HACD4: variants seen among roughly 807,000 people sequenced by gnomAD.
HACD4 encodes the protein very-long-chain (3R)-3-hydroxyacyl-CoA dehydratase 4.
HACD4 carries 35 observed loss-of-function variants against 33.3 expected under a neutral mutation model. That is an observed-to-expected ratio of 1.05 (90% CI 0.80 to 1.39). HACD4 has a LOEUF of 1.39. HACD4 is among the 40% of genes most tolerant of loss of function. The pLI is 0.00. For missense variants in HACD4, 323 were observed against 276.5 expected, an observed-to-expected ratio of 1.17 and a Z score of -1.19; for synonymous variants, 118 against 98.0, an observed-to-expected ratio of 1.20 and a Z score of -1.21.
At chr9:21,008,842 AG>A (rs920129266) in intron 5 of HACD4, among the ~76,000 whole-genome samples, 10 of 152,108 alleles carry the variant, frequency 6.6e-5, no homozygotes, top group African/African-American at 2.4e-4. Flanking sequence ...AGCTGGGTGA[AG>A]GGTACATGGG....
At position 20,999,875 on chromosome 9, in the gene HACD4, G is replaced by T. The variant is rs1478541635; in HGVS notation, c.*7162C>A. ...ATATAAATCACTAAACCATCATGAA[G>T]TAAGAACAGAACATGTTATAAATGT... is the stretch of plus-strand genomic sequence containing the variant. On this transcript the variant is annotated 3_prime_UTR_variant, in exon 7 of 7. Transcript: ENST00000495827. The T allele has an allele frequency of 4.0e-5, 6 of 151,750 alleles. No individual in the cohort carries two copies. The highest frequency in any genetic ancestry group is 3.3e-4 in the Admixed American group (5 of 15,252). 9.4% of individuals were successfully genotyped at this position (151,750 alleles called of 1,614,324 possible). A position where few individuals can be genotyped will look rare whatever the true frequency, so the allele number is the denominator to read the frequency against.
At chr9:21,023,572 ATC>A (rs1210810352) in intron 3 of HACD4, among the ~76,000 whole-genome samples, 2 of 138,302 alleles carry the variant, frequency 1.4e-5, no homozygotes, top group Non-Finnish European at 3.1e-5. Context: ...TCACTTAACA[ATC>A]TTTTTTTTTT....
rs1226976778 is a variant in HACD4, at chr9:20,999,726, G to A, written c.*7311C>T. ...ATATATTTCTAGATGTAGTAGTGGCGTTCTTTAAAGATAGAGTTGCACACA... is the reference window on the plus strand; with the variant it reads ...ATATATTTCTAGATGTAGTAGTGGCATTCTTTAAAGATAGAGTTGCACACA... On this transcript the variant is annotated 3_prime_UTR_variant, in exon 7 of 7. Coordinates refer to ENST00000495827, the MANE Select transcript of HACD4 (RefSeq NM_001010915.5). The A allele has an allele frequency of 1.3e-5, 2 of 152,114 alleles. No homozygotes were observed. Among genetic ancestry groups the A allele is most frequent in the South Asian group, 2.1e-4 (1 of 4,828 alleles). The allele number at this position is 152,114 out of a possible 1,614,324, so 9.4% of individuals were successfully genotyped here.
At chr9:21,011,521 A>C in intron 5 of HACD4, 68 bp downstream of exon 5, 2 of 932,300 alleles carry the variant, frequency 2.1e-6, no homozygotes, top group South Asian at 1.4e-5. Flanking sequence ...TCATCAAAAA[A>C]TTTAGTGAAC....
At chr9:21,029,912 G>T (rs1347809086) in intron 1 of HACD4, among the ~76,000 whole-genome samples, 2 of 152,132 alleles carry the variant, frequency 1.3e-5, no homozygotes, top group Non-Finnish European at 2.9e-5. Flanking sequence ...TCGCTAGCCT[G>T]GGGAAAGATT....
chr9:21,023,834 C>G (rs1414558965), intron 3 of HACD4, among the ~76,000 whole-genome samples: 2 of 152,198 alleles, frequency 1.3e-5, no homozygotes, highest in East Asian at 1.9e-4. Flanking sequence ...CTCAGCCTCC[C>G]AAAGTGCTGG....
In HACD4 at chr9:21,031,591, G is replaced by A. The variant is rs771731900; in HGVS notation, c.-1C>T. 166 of 1,435,306 alleles carry A rather than the reference G, an allele frequency of 1.2e-4. No individual in the cohort carries two copies. Among genetic ancestry groups the A allele is most frequent in the Non-Finnish European group, 1.4e-4 (159 of 1,100,024 alleles). The allele number at this position is 1,435,306 out of a possible 1,614,324, so 88.9% of individuals were successfully genotyped here. On this transcript the variant is annotated 5_prime_UTR_variant, in exon 1 of 7. Coordinates refer to ENST00000495827, the MANE Select transcript of HACD4 (RefSeq NM_001010915.5). ...AGGCGGGCAGCGCCAAGGGCCCCAT[G>A]GGCCGCCGCCGCCAGGGCTTCCAGC...
intron 3 of HACD4, among the ~76,000 whole-genome samples, chr9:21,025,071 G>A (rs919582505): frequency 6.6e-6 from 1 of 152,060 alleles, no homozygotes; most frequent in African/African-American, 2.4e-5. Context: ...CTGTATCCCC[G>A]TTTATTTTGT....
At position 21,007,318 on chromosome 9, in the gene HACD4, T is replaced by C. The variant is rs114113002; in HGVS notation, c.617-199A>G. Among the ~76,000 whole-genome samples, 578 of 152,304 alleles carry C rather than the reference T, an allele frequency of 3.8e-3. 4 individuals carry two copies. Among genetic ancestry groups the C allele is most frequent in the African/African-American group, 0.013 (554 of 41,574 alleles). On this transcript the variant is annotated intron_variant, in intron 6 of 6. Coordinates refer to ENST00000495827, the MANE Select transcript of HACD4 (RefSeq NM_001010915.5). ...TAAATCAAACTCTTCCATCCTACTT[T>C]TTTTAATGCAAGGAATTGTCTTCCT...
Position 21,007,055 on chromosome 9 carries a change from A to G in HACD4, c.681T>C (p.Ile227=), listed in dbSNP as rs745910839. The change falls in exon 7 of 7, where the codon ATT becomes ATC. Residue 227 remains isoleucine, a synonymous_variant. Coordinates refer to ENST00000495827, the MANE Select transcript of HACD4 (RefSeq NM_001010915.5). ...ERRDILGIFP[I]KKKKM ...CTGTACTTCACATCTTCTTTTTTTT[A>G]ATGGGAAAGATTCCGAGGATGTCTC... The G allele has an allele frequency of 1.3e-6, 2 of 1,575,636 alleles. No individual in the cohort carries two copies. Among genetic ancestry groups the G allele is most frequent in the Middle Eastern group, 1.7e-4 (1 of 5,982 alleles).
In HACD4 at chr9:21,005,593, C is replaced by G. The variant is rs1276497278; in HGVS notation, c.*1444G>C. ...TTCTTCAAGAAAAGGAGAAACTGAC[C>G]CGGAACAATGATTCAGAGAACATCA... is the stretch of plus-strand genomic sequence containing the variant. On this transcript the variant is annotated 3_prime_UTR_variant, in exon 7 of 7. Transcript: ENST00000495827. This position sits in a 1 kb window ranked among gnomAD's most constrained non-coding sequence, Gnocchi z 4.0. The G allele has an allele frequency of 1.3e-5, 2 of 152,148 alleles. No individual in the cohort carries two copies. Among genetic ancestry groups the G allele is most frequent in the African/African-American group, 4.8e-5 (2 of 41,422 alleles). The allele number at this position is 152,148 out of a possible 1,614,324, so 9.4% of individuals were successfully genotyped here.
intron 1 of HACD4, chr9:21,031,301 G>A: frequency 3.8e-6 from 1 of 266,534 alleles, no homozygotes; most frequent in Non-Finnish European, 5.8e-6. Context: ...ACAAGGGCAG[G>A]GGTAGCCATG....
intron 5 of HACD4, 127 bp from the exon 6 acceptor site, chr9:21,008,273 C>G: frequency 1.2e-6 from 1 of 829,212 alleles, no homozygotes; most frequent in Non-Finnish European, 1.8e-6. Flanking sequence ...GTTGCTGAAT[C>G]TTTTTGCTAA....
At chr9:21,031,509 TCCAC>T in intron 1 of HACD4, 40 bp downstream of exon 1, 3 of 1,447,822 alleles carry the variant, frequency 2.1e-6, no homozygotes, top group Non-Finnish European at 2.7e-6. Flanking sequence ...CTCCAGGCCC[TCCAC>T]CCGCGCCCCC....
At chr9:21,018,508 GC>G (rs1186872364) in intron 3 of HACD4, among the ~76,000 whole-genome samples, 3 of 152,190 alleles carry the variant, frequency 2.0e-5, no homozygotes, top group Middle Eastern at 6.8e-3. Flanking sequence ...TAAAACAAGA[GC>G]CTCCTTGATT....
At position 21,028,146 on chromosome 9, in the gene HACD4, AAAAAAG is replaced by A. The variant is rs1419865249; in HGVS notation, c.142+1143_142+1148del. The stretch of plus-strand genomic sequence containing the variant: ...GGGAAACTCCATCTCAAAAAAAAAA[AAAAAAG>A]AAAAAAGAAAAGAAAAAAAAAGAAA... On this transcript the variant is annotated intron_variant, in intron 2 of 6. Transcript: ENST00000495827. Among the ~76,000 whole-genome samples the A allele has an allele frequency of 3.4e-4, 51 of 151,194 alleles. No individual in the cohort carries two copies. The South Asian group carries it at 7.7e-3, about 23-fold the overall frequency.
chr9:21,022,754 T>C (rs1817954254), intron 3 of HACD4, among the ~76,000 whole-genome samples: 1 of 151,578 alleles, frequency 6.6e-6, no homozygotes, highest in South Asian at 2.1e-4. Flanking sequence ...ATAGGAACAC[T>C]TTTACACTGT....
Position 21,021,421 on chromosome 9 carries a change from A to G in HACD4, c.270+5175T>C, listed in dbSNP as rs1817909627. On this transcript the variant is annotated intron_variant, in intron 3 of 6. Transcript: ENST00000495827. Reference sequence around the variant, plus strand: ...AGGAAATAAAGGGTATTCAATTAGGAAAAGAGGAAGTCAAATTGTCTCTGT... The same window carrying G: ...AGGAAATAAAGGGTATTCAATTAGGGAAAGAGGAAGTCAAATTGTCTCTGT... Among the ~76,000 whole-genome samples the G allele has an allele frequency of 2.0e-5, 3 of 152,192 alleles. No homozygotes were observed. The South Asian group carries it at 6.2e-4, about 31-fold the overall frequency.
intron 5 of HACD4, among the ~76,000 whole-genome samples, chr9:21,008,897 C>T (rs1236150061): frequency 4.0e-5 from 6 of 151,756 alleles, no homozygotes; most frequent in Non-Finnish European, 4.4e-5. Flanking sequence ...CAAAATTATC[C>T]CTACATAAAA....
Sources: gnomAD v4.1 joint callset for allele counts (sites outside exome capture counted in the v4.1 genomes callset) on GRCh38, gnomAD v4.1.1 for gene constraint, Gnocchi (gnomAD v3.1) non-coding constraint, MANE v1.5 for transcripts, NCBI Gene and HGNC (gene_info 2026-07-23, HGNC 2026-07-21) for gene names.